Variants in BCR observed in about 807,000 individuals in gnomAD.
BCR encodes BCR activator of RhoGEF and GTPase.
A neutral mutation model predicts 138.6 loss-of-function variants in BCR; 58 were observed. That is an observed-to-expected ratio of 0.42 (90% CI 0.34 to 0.52). The LOEUF is 0.52. BCR is among the 20% of genes least tolerant of loss of function. The pLI is 0.06. For synonymous variants in BCR, 786 were observed against 730.1 expected (o/e 1.08, Z -1.23); for missense variants, 1,599 against 1,727.2 (o/e 0.93, Z 1.32).
intron 11 of BCR, among the ~76,000 whole-genome samples, chr22:23,287,882 C>T (rs1378628778): frequency 1.3e-5 from 2 of 152,164 alleles, no homozygotes; most frequent in African/African-American, 4.8e-5. Flanking sequence ...CCATGTAGTT[C>T]GGGTGAGAGA....
intron 1 of BCR, among the ~76,000 whole-genome samples, chr22:23,228,274 A>G (rs1052068660): frequency 6.6e-6 from 1 of 152,162 alleles, no homozygotes; most frequent in African/African-American, 2.4e-5. Flanking sequence ...ACAAATTTTT[A>G]TATATTGCAT....
At chr22:23,197,604 G>A (rs1172071453) in intron 1 of BCR, among the ~76,000 whole-genome samples, 1 of 152,170 alleles carries the variant, frequency 6.6e-6, no homozygotes, top group Non-Finnish European at 1.5e-5. Context: ...CAACAGGGAA[G>A]GTGAGGGATA....
At chr22:23,186,867 C>G (rs372191139) in intron 1 of BCR, among the ~76,000 whole-genome samples, 2 of 152,310 alleles carry the variant, frequency 1.3e-5, no homozygotes, top group South Asian at 2.1e-4. Context: ...TCCCGAGTAG[C>G]TGGGATTACA....
In BCR at chr22:23,315,437, A is replaced by T; in HGVS notation, c.3731A>T (p.Gln1244Leu). Residue 1244 changes from glutamine to leucine, a missense_variant, in exon 23 of 23, where the codon CAG becomes CTG. Physicochemically the swap from Gln to Leu is moderately radical, Grantham distance 113 (BLOSUM62 -2). Around this residue, in one of 4 missense-constraint regions of BCR, gnomAD observed 177 missense variants for 226.4 expected, o/e 0.78. Coordinates refer to ENST00000305877, the MANE Select transcript of BCR (RefSeq NM_004327.4). ...SWSLEVMSQV[Q>L]VLLYFLQLEA... is the part of the protein sequence containing the mutation. ...TTCCCTACTCTGCCCGGGCAGGTCC[A>T]GGTGCTGCTGTACTTCCTGCAGCTG... 1 of 1,613,608 alleles carries T rather than the reference A, an allele frequency of 6.2e-7. No individual in the cohort carries two copies. Among genetic ancestry groups the T allele is most frequent in the Non-Finnish European group, 8.5e-7 (1 of 1,179,904 alleles).
chr22:23,287,791 A>T (rs2073734637), intron 11 of BCR, among the ~76,000 whole-genome samples: 2 of 152,264 alleles, frequency 1.3e-5, no homozygotes, highest in South Asian at 4.1e-4. Flanking sequence ...TCAGGTCTGG[A>T]TCAACGTTCA....
Position 23,316,543 on chromosome 22 carries a change from T to A in BCR, c.*1021T>A. On this transcript the variant is annotated 3_prime_UTR_variant, in exon 23 of 23. Coordinates refer to ENST00000305877, the MANE Select transcript of BCR (RefSeq NM_004327.4). ...GTAAGTTTTATACATAGTTTCTAAT[T>A]TTTTTCCGAACAGATCCAGATACCT... 1 of 186,324 alleles carries A rather than the reference T, an allele frequency of 5.4e-6. No homozygotes were observed. The highest frequency in any genetic ancestry group is 1.2e-5 in the Non-Finnish European group (1 of 86,914). 11.5% of individuals were successfully genotyped at this position (186,324 alleles called of 1,614,324 possible). A position where few individuals can be genotyped will look rare whatever the true frequency, so the allele number is the denominator to read the frequency against.
intron 1 of BCR, among the ~76,000 whole-genome samples, chr22:23,241,336 C>G (rs964743762): frequency 1.3e-5 from 2 of 152,208 alleles, no homozygotes; most frequent in Non-Finnish European, 2.9e-5. Flanking sequence ...GCCATTCCCC[C>G]CCGACCAACC....
intron 1 of BCR, among the ~76,000 whole-genome samples, chr22:23,185,639 C>T (rs753727697): frequency 6.6e-6 from 1 of 150,992 alleles, no homozygotes; most frequent in Non-Finnish European, 1.5e-5. Context: ...GCACTCCAGC[C>T]TGGGCGACAG....
intron 4 of BCR, among the ~76,000 whole-genome samples, chr22:23,266,856 A>C (rs1298993664): frequency 1.3e-5 from 2 of 152,198 alleles, no homozygotes; most frequent in African/African-American, 4.8e-5. Context: ...ATTGCTTAGA[A>C]CTTTGCACAA....
intron 1 of BCR, among the ~76,000 whole-genome samples, chr22:23,191,117 G>A (rs1251188258): frequency 6.6e-6 from 1 of 151,896 alleles, no homozygotes; most frequent in Admixed American, 6.6e-5. Flanking sequence ...TTTTTGTTGA[G>A]ACAGGGTCTT....
At chr22:23,217,877 C>G (rs1399299632) in intron 1 of BCR, among the ~76,000 whole-genome samples, 4 of 152,186 alleles carry the variant, frequency 2.6e-5, no homozygotes, top group Non-Finnish European at 5.9e-5. Context: ...GCAGCTGTGG[C>G]CGCCTGCTCG....
chr22:23,188,991 C>T (rs957481423), intron 1 of BCR, among the ~76,000 whole-genome samples: 4 of 152,048 alleles, frequency 2.6e-5, no homozygotes, highest in South Asian at 2.1e-4. Context: ...CACAGCCTCC[C>T]GAGTAGCTGG....
At chr22:23,190,672 G>A (rs557956691) in intron 1 of BCR, among the ~76,000 whole-genome samples, 1 of 152,288 alleles carries the variant, frequency 6.6e-6, no homozygotes, top group African/African-American at 2.4e-5. Flanking sequence ...GGGCAGCAGA[G>A]GAAAGGGCTG....
rs747460956 is a variant in BCR, at chr22:23,290,352, G to C, written c.2721G>C (p.Pro907=). Residue 907 remains proline, a synonymous_variant, in exon 14 of 23, where the codon CCG becomes CCC. Coordinates refer to ENST00000305877, the MANE Select transcript of BCR (RefSeq NM_004327.4). ...TCTCTTGCGCAGATGATGAGTCTCC[G>C]GGGCTCTATGGGTTTCTGAATGTCA... is the stretch of plus-strand genomic sequence containing the variant. ...LTINKEDDES[P]GLYGFLNVIV... is the part of the protein sequence containing the mutation. The C allele has an allele frequency of 1.9e-6, 3 of 1,613,982 alleles. No homozygotes were observed. The highest frequency in any genetic ancestry group is 1.3e-5 in the African/African-American group (1 of 74,904).
At chr22:23,263,507 T>C in intron 4 of BCR, 1 of 1,572,980 alleles carries the variant, frequency 6.4e-7, no homozygotes, top group South Asian at 1.1e-5. Flanking sequence ...AGGATGATGC[T>C]TTGTACATAT....
At chr22:23,289,694 C>A (rs1568975751) in intron 13 of BCR, 73 bp downstream of exon 13, 2 of 1,308,968 alleles carry the variant, frequency 1.5e-6, no homozygotes, top group African/African-American at 2.9e-5. Flanking sequence ...CTGATCCCCC[C>A]TTCCTGTTAG....
At chr22:23,309,520 C>T (rs751652542) in intron 17 of BCR, 37 bp downstream of exon 17, 85 of 1,557,032 alleles carry the variant, frequency 5.5e-5, no homozygotes, top group Non-Finnish European at 6.7e-5. Context: ...GCCCACTTCC[C>T]CCAGAAGGAT....
chr22:23,215,791 G>C (rs888632357), intron 1 of BCR, among the ~76,000 whole-genome samples: 1 of 152,140 alleles, frequency 6.6e-6, no homozygotes, highest in African/African-American at 2.4e-5. Context: ...CAGTGGTTCT[G>C]CACCCCCACT....
chr22:23,300,718 C>G (rs1451207526), intron 16 of BCR, among the ~76,000 whole-genome samples: 1 of 152,218 alleles, frequency 6.6e-6, no homozygotes, highest in Non-Finnish European at 1.5e-5. Flanking sequence ...TGGCTTGTAC[C>G]TGGTCAGGTG....
Sources: gnomAD v4.1 joint callset for allele counts (sites outside exome capture counted in the v4.1 genomes callset) on GRCh38, gnomAD v4.1.1 for gene constraint, gnomAD v4.1.1 regional missense constraint, MANE v1.5 for transcripts, NCBI Gene and HGNC (gene_info 2026-07-23, HGNC 2026-07-21) for gene names.